The following NOS3 variants were observed in gnomAD, a reference collection of about 807,000 sequenced individuals.
NOS3 encodes NOS type III.
NOS3 carries 98 observed loss-of-function variants against 144.9 expected under a neutral mutation model. The observed-to-expected ratio is 0.68, with a 90% CI of 0.57 to 0.80. The LOEUF (loss-of-function observed/expected upper bound fraction) is 0.80. NOS3 is among the 30% of genes least tolerant of loss of function. The pLI is 0.00. For missense variants in NOS3, 1,465 were observed against 1,656.4 expected, an observed-to-expected ratio of 0.88 and a Z score of 2.01; for synonymous variants, 714 against 702.4, an observed-to-expected ratio of 1.02 and a Z score of -0.26.
At chr7:151,007,078 C>G in intron 16 of NOS3, 24 bp from the exon 17 acceptor site, 1 of 1,614,108 alleles carries the variant, frequency 6.2e-7, no homozygotes. Flanking sequence ...AAAGGGAGCT[C>G]CACTGACGAC....
chr7:150,995,275 G>C lies in NOS3; in HGVS notation c.231G>C (p.Gly77=), dbSNP rs147733456. ...KFPRVKNWEV[G]SITYDTLSAQ... is the part of the protein sequence containing the mutation. ...CTCGTGTGAAGAACTGGGAGGTGGG[G>C]AGCATCACCTATGACACCCTCAGCG... is the stretch of plus-strand genomic sequence containing the variant. Residue 77 remains glycine (G), a synonymous_variant, in exon 3 of 27, where the codon GGG becomes GGC. Transcript: ENST00000297494. 4.1e-5 allele frequency: 66 copies of C among 1,611,578 alleles called. No homozygotes were observed. In the African/African-American group the frequency reaches 7.1e-4, roughly 17 times the overall value.
chr7:151,009,553 T>C lies in NOS3; in HGVS notation c.2480T>C (p.Val827Ala). 2 of 1,543,116 alleles carry C rather than the reference T, an allele frequency of 1.3e-6. No homozygotes were observed. The highest frequency in any genetic ancestry group is 1.7e-6 in the Non-Finnish European group (2 of 1,144,884). The change falls in exon 20 of 27, where the codon GTG becomes GCG. Residue 827 changes from valine (V) to alanine (A), a missense_variant. Physicochemically the swap from Val to Ala is moderately conservative, Grantham distance 64. Coordinates refer to ENST00000297494, the MANE Select transcript of NOS3 (RefSeq NM_000603.5). ...GACCCGCCGGCGCCCACTGAGCCCGTGGCAGTAGAGCAGCTGGAGAAGGGC... is the reference window on the plus strand; with the variant it reads ...GACCCGCCGGCGCCCACTGAGCCCGCGGCAGTAGAGCAGCTGGAGAAGGGC... ...VEDPPAPTEP[V>A]AVEQLEKGSP...
chr7:150,999,570 G>A (rs1414040305), intron 9 of NOS3, among the ~76,000 whole-genome samples: 2 of 151,976 alleles, frequency 1.3e-5, no homozygotes, highest in African/African-American at 2.4e-5. Context: ...GTGAGTGGGT[G>A]AGTGTGAGAG....
rs771263604 is a variant in NOS3 at position 150,993,851 on chromosome 7, C to CCTGGGG, written c.60_65dup (p.Gly24_Leu25dup). The CCTGGGG allele has an allele frequency of 2.7e-5, 44 of 1,602,374 alleles. No homozygotes were observed. Among genetic ancestry groups the CCTGGGG allele is most frequent in the African/African-American group, 4.1e-5 (3 of 74,038 alleles). On this transcript the variant is annotated inframe_insertion, in exon 2 of 27. Coordinates refer to ENST00000297494, the MANE Select transcript of NOS3 (RefSeq NM_000603.5). This position sits in a 1 kb window ranked among gnomAD's most constrained non-coding sequence, Gnocchi z 4.0. ...CCCAGGAGCCTGGGCCACCCTGCGG[C>CCTGGGG]CTGGGGCTGGGGCTGGGCCTTGGGC...
intron 17 of NOS3, among the ~76,000 whole-genome samples, chr7:151,008,402 C>G (rs1795238643): frequency 6.6e-6 from 1 of 152,216 alleles, no homozygotes; most frequent in South Asian, 2.1e-4. Flanking sequence ...TAGACGGGAT[C>G]CACACCCTCC....
intron 25 of NOS3, 133 bp from the exon 26 acceptor site, chr7:151,013,591 A>T: frequency 1.6e-6 from 1 of 624,254 alleles, no homozygotes; most frequent in East Asian, 6.2e-5. Context: ...GCCCCTGTTG[A>T]CACCGCCCCA....
intron 19 of NOS3, 28 bp downstream of exon 19, chr7:151,009,295 CA>C: frequency 1.3e-6 from 2 of 1,537,408 alleles, no homozygotes; most frequent in Admixed American, 1.8e-5. Flanking sequence ...ACCGCCCCCC[CA>C]CCCCTGTCCT....
chr7:151,012,306 A>C, intron 23 of NOS3, 45 bp from the exon 24 acceptor site: 1 of 1,465,638 alleles, frequency 6.8e-7, no homozygotes, highest in South Asian at 1.2e-5. Context: ...AGAATGGTGG[A>C]GCAGGAAAGG....
At chr7:151,013,199 A>G (rs1584914638) in intron 24 of NOS3, 32 bp from the exon 25 acceptor site, 2 of 1,598,288 alleles carry the variant, frequency 1.3e-6, no homozygotes, top group South Asian at 1.1e-5. Context: ...TGCCCCGGAG[A>G]AGAGCCTTCC....
intron 1 of NOS3, among the ~76,000 whole-genome samples, chr7:150,992,786 G>A (rs1020816870): frequency 5.3e-5 from 8 of 152,148 alleles, no homozygotes; most frequent in East Asian, 1.9e-4. Flanking sequence ...CTGAGGTCTC[G>A]AAATCACGAG....
At chr7:151,005,007 G>A (rs1050856546) in intron 14 of NOS3, among the ~76,000 whole-genome samples, 8 of 152,064 alleles carry the variant, frequency 5.3e-5, no homozygotes, top group Non-Finnish European at 8.8e-5. Flanking sequence ...ACAGGTGCCC[G>A]CCACCATGGC....
At position 151,002,029 on chromosome 7, in the gene NOS3, T is replaced by A. The variant is rs1795116462; in HGVS notation, c.1647+64T>A. Reference sequence around the variant, plus strand: ...GGGGCTCTATCAGCATCTTCAGGGGTGCCCTGGAGGACAGGAAGTGTTACA... The same window carrying A: ...GGGGCTCTATCAGCATCTTCAGGGGAGCCCTGGAGGACAGGAAGTGTTACA... On this transcript the variant is annotated intron_variant, in intron 13 of 26. Transcript: ENST00000297494. This position sits in a 1 kb window ranked among gnomAD's most constrained non-coding sequence, Gnocchi z 4.1. The A allele has an allele frequency of 6.3e-7, 1 of 1,581,656 alleles. No individual in the cohort carries two copies. Among genetic ancestry groups the A allele is most frequent in the Non-Finnish European group, 8.7e-7 (1 of 1,155,510 alleles).
At position 150,996,879 on chromosome 7, in the gene NOS3, G is replaced by A. The variant is rs753853899; in HGVS notation, c.536G>A (p.Arg179His). 8 of 1,586,380 alleles carry A rather than the reference G, an allele frequency of 5.0e-6. No individual in the cohort carries two copies. The highest frequency in any genetic ancestry group is 1.1e-5 in the South Asian group (1 of 87,084). ...ELVFGAKQAW[R>H]NAPRCVGRIQ... ...GTGTTCGGGGCTAAGCAGGCCTGGC[G>A]CAACGCTCCCCGCTGCGTGGGCCGG... is the stretch of plus-strand genomic sequence containing the variant. The change falls in exon 5 of 27, where the codon CGC (arginine) becomes CAC (histidine). Residue 179 changes from arginine (R) to histidine (H), a missense_variant. Transcript: ENST00000297494.
Position 150,993,820 on chromosome 7 carries a change from GCGTGGCCCAGGAGCCTGGGCCACC to G in NOS3, c.19_42del (p.Val7_Pro14del). 3 of 1,597,762 alleles carry G rather than the reference GCGTGGCCCAGGAGCCTGGGCCACC, an allele frequency of 1.9e-6. No homozygotes were observed. The highest frequency in any genetic ancestry group is 1.7e-4 in the Middle Eastern group (1 of 6,002). ...CACAGTAACATGGGCAACTTGAAGA[GCGTGGCCCAGGAGCCTGGGCCACC>G]CTGCGGCCTGGGGCTGGGGCTGGGC... On this transcript the variant is annotated inframe_deletion, in exon 2 of 27. Coordinates refer to ENST00000297494, the MANE Select transcript of NOS3 (RefSeq NM_000603.5). This position sits in a 1 kb window ranked among gnomAD's most constrained non-coding sequence, Gnocchi z 4.0.
chr7:150,995,073 G>A (rs945642396), intron 2 of NOS3, 130 bp from the exon 3 acceptor site: 1 of 575,038 alleles, frequency 1.7e-6, no homozygotes, highest in African/African-American at 1.9e-5. Context: ...AAGGCATGGG[G>A]AACGCCAGAA....
chr7:151,009,458 G>C lies in NOS3; in HGVS notation c.2385G>C (p.Pro795=), dbSNP rs776809785. The part of the protein sequence containing the change: ...TGGQEGLQYQ[P]GDHIGVCPPN... ...GCCAGGAGGGGCTGCAGTACCAGCCGGGGGACCACATAGGTGTCTGCCCGC... is the reference window on the plus strand; with the variant it reads ...GCCAGGAGGGGCTGCAGTACCAGCCCGGGGACCACATAGGTGTCTGCCCGC... Residue 795 remains proline, a synonymous_variant, in exon 20 of 27, where the codon CCG becomes CCC. Coordinates refer to ENST00000297494, the MANE Select transcript of NOS3 (RefSeq NM_000603.5). 25 of 1,547,932 alleles carry C rather than the reference G, an allele frequency of 1.6e-5. No individual in the cohort carries two copies. The East Asian group carries it at 2.2e-4, about 14-fold the overall frequency.
At chr7:151,006,604 C>A in intron 15 of NOS3, 110 bp downstream of exon 15, 3 of 958,328 alleles carry the variant, frequency 3.1e-6, no homozygotes, top group Non-Finnish European at 3.2e-6. Flanking sequence ...GTTTTCCCAC[C>A]AAAAGCCAGG....
chr7:151,006,240 T>G (rs1795204599), intron 14 of NOS3, among the ~76,000 whole-genome samples, 187 bp from the exon 15 acceptor site: 1 of 152,230 alleles, frequency 6.6e-6, no homozygotes, highest in African/African-American at 2.4e-5. Context: ...GTGGTCTTTG[T>G]CTTATCACTT....
chr7:151,003,092 G>A lies in NOS3; in HGVS notation c.1752+788G>A. 2.3e-6 allele frequency: 1 copy of A among 428,994 alleles called. No individual in the cohort carries two copies. The highest frequency in any genetic ancestry group is 1.7e-5 in the South Asian group (1 of 58,994). 26.6% of individuals were successfully genotyped at this position (428,994 alleles called of 1,614,324 possible). On this transcript the variant is annotated intron_variant, in intron 14 of 26. Transcript: ENST00000297494. This position sits in a 1 kb window ranked among gnomAD's most constrained non-coding sequence, Gnocchi z 4.1. ...CCTGCTCCAGCTTCTAGGTGTTAAAGGCCTTATTAGCACTAAGTACTTCCT... is the reference window on the plus strand; with the variant it reads ...CCTGCTCCAGCTTCTAGGTGTTAAAAGCCTTATTAGCACTAAGTACTTCCT...
Sources: gnomAD v4.1 joint callset for allele counts (sites outside exome capture counted in the v4.1 genomes callset) on GRCh38, gnomAD v4.1.1 for gene constraint, Gnocchi (gnomAD v3.1) non-coding constraint, MANE v1.5 for transcripts, NCBI Gene and HGNC (gene_info 2026-07-23, HGNC 2026-07-21) for gene names.